The following PLCB1 variants were observed in gnomAD, a reference collection of about 807,000 sequenced individuals.
The protein encoded by PLCB1 is 1-phosphatidylinositol 4,5-bisphosphate phosphodiesterase beta-1.
Under a neutral mutation model 161.8 loss-of-function variants are expected in PLCB1, and 46 were observed. That is an observed-to-expected ratio of 0.28 (90% CI 0.22 to 0.36). The LOEUF is 0.36. Among genes scored for constraint, PLCB1 ranks in the 10% least tolerant of loss-of-function variants. PLCB1 has a pLI of 1.00. For missense variants in PLCB1, 1,016 were observed against 1,472.5 expected (o/e 0.69, Z 5.07); for synonymous variants, 517 against 503.7 (o/e 1.03, Z -0.35).
rs1357901245 is a variant in PLCB1, at chr20:8,242,150, A to G, written c.177+91779A>G. ...TTCTTTCTCCCTTGACCTTCCTGCT[A>G]CATGTTTCTGTTGTTGTTGTTTTTA... On this transcript the variant is annotated intron_variant, in intron 2 of 31. Coordinates refer to ENST00000338037, the MANE Select transcript of PLCB1 (RefSeq NM_015192.4). Among the ~76,000 whole-genome samples, 3 of 151,860 alleles carry G rather than the reference A, an allele frequency of 2.0e-5. No individual in the cohort carries two copies. The East Asian group carries it at 5.8e-4, about 30-fold the overall frequency.
At chr20:8,844,671 T>A (rs1018618248) in intron 31 of PLCB1, among the ~76,000 whole-genome samples, 1 of 152,170 alleles carries the variant, frequency 6.6e-6, no homozygotes, top group Non-Finnish European at 1.5e-5. Context: ...TTTAACAAAC[T>A]AATGTGGTGC....
intron 3 of PLCB1, among the ~76,000 whole-genome samples, chr20:8,555,800 T>C (rs373889218): frequency 6.6e-6 from 1 of 152,100 alleles, no homozygotes; most frequent in East Asian, 1.9e-4. Flanking sequence ...TGGAGGAGAA[T>C]AGACTATAAT....
chr20:8,756,988 G>A (rs1175665348), intron 23 of PLCB1, 58 bp from the exon 24 acceptor site: 4 of 1,483,548 alleles, frequency 2.7e-6, no homozygotes, highest in Admixed American at 2.1e-5. Flanking sequence ...GTTGGTTTAG[G>A]AAGGCAAGAA....
At chr20:8,180,461 G>A (rs779106801) in intron 2 of PLCB1, among the ~76,000 whole-genome samples, 2 of 152,122 alleles carry the variant, frequency 1.3e-5, no homozygotes, top group Admixed American at 1.3e-4. Context: ...AATGATGCTG[G>A]CCTCACAGAA....
In PLCB1 at chr20:8,207,153, T is replaced by A. The variant is rs527913417; in HGVS notation, c.177+56782T>A. Among the ~76,000 whole-genome samples the A allele has an allele frequency of 4.2e-5, 4 of 94,796 alleles. 1 individual carries two copies. In the South Asian group the frequency reaches 1.6e-3, roughly 37 times the overall value. The allele number at this position is 94,796 out of a possible 152,430, so 62.2% of individuals were successfully genotyped here. ...CTCTTCTGCTGTTATATGATATTTATAAAATTTTAAAAGTGCAGAAAACAA... is the reference window on the plus strand; with the variant it reads ...CTCTTCTGCTGTTATATGATATTTAAAAAATTTTAAAAGTGCAGAAAACAA... On this transcript the variant is annotated intron_variant, in intron 2 of 31. Coordinates refer to ENST00000338037, the MANE Select transcript of PLCB1 (RefSeq NM_015192.4).
intron 3 of PLCB1, among the ~76,000 whole-genome samples, chr20:8,441,913 A>C (rs2122614589): frequency 6.6e-6 from 1 of 152,360 alleles, no homozygotes; most frequent in South Asian, 2.1e-4. Flanking sequence ...GCATTGTATC[A>C]AGATAAATAA....
intron 1 of PLCB1, among the ~76,000 whole-genome samples, chr20:8,133,915 T>C (rs2051317531): frequency 6.6e-6 from 1 of 152,220 alleles, no homozygotes; most frequent in Non-Finnish European, 1.5e-5. Context: ...TAAGCCATTT[T>C]CCAGTGTCTG....
At chr20:8,479,933 T>C (rs1481108502) in intron 3 of PLCB1, among the ~76,000 whole-genome samples, 4 of 152,204 alleles carry the variant, frequency 2.6e-5, no homozygotes, top group African/African-American at 4.8e-5. Context: ...TTCTGGGATT[T>C]CTAGGTATGG....
chr20:8,158,852 C>T (rs1439428535), intron 2 of PLCB1, among the ~76,000 whole-genome samples: 4 of 152,234 alleles, frequency 2.6e-5, no homozygotes, highest in Non-Finnish European at 1.5e-5. Context: ...CCAGGTCACA[C>T]TGATGCAAGA....
At chr20:8,716,551 C>T (rs1568571180) in intron 13 of PLCB1, among the ~76,000 whole-genome samples, 1 of 152,222 alleles carries the variant, frequency 6.6e-6, no homozygotes, top group African/African-American at 2.4e-5. Flanking sequence ...TTCCCACACT[C>T]TTCTCTCTCG....
intron 2 of PLCB1, among the ~76,000 whole-genome samples, chr20:8,286,063 G>C (rs1222635856): frequency 6.6e-6 from 1 of 152,172 alleles, no homozygotes; most frequent in Non-Finnish European, 1.5e-5. Flanking sequence ...AGTGGCTCAT[G>C]CCTGTGATCC....
chr20:8,143,690 G>A (rs922174823), intron 1 of PLCB1, among the ~76,000 whole-genome samples: 1 of 152,290 alleles, frequency 6.6e-6, no homozygotes, highest in South Asian at 2.1e-4. Context: ...GCAGGTGTGG[G>A]TATTCCAAAG....
chr20:8,419,354 C>T (rs7272634), intron 3 of PLCB1, among the ~76,000 whole-genome samples: 3,881 of 152,146 alleles, frequency 0.026, 171 homozygotes, highest in African/African-American at 0.088. Context: ...GAGGACAGAC[C>T]AATAAACAGC....
intron 3 of PLCB1, among the ~76,000 whole-genome samples, chr20:8,379,029 G>T (rs957998087): frequency 1.3e-5 from 2 of 151,950 alleles, no homozygotes; most frequent in African/African-American, 4.8e-5. Flanking sequence ...ATGCAGGTTT[G>T]TTACATAGGT....
At chr20:8,320,042 G>A (rs981129388) in intron 2 of PLCB1, among the ~76,000 whole-genome samples, 1 of 152,030 alleles carries the variant, frequency 6.6e-6, no homozygotes, top group African/African-American at 2.4e-5. Flanking sequence ...TTAGCACGAG[G>A]TTTTGGGTGA....
intron 9 of PLCB1, among the ~76,000 whole-genome samples, chr20:8,667,966 G>T (rs1326330103): frequency 6.6e-6 from 1 of 152,112 alleles, no homozygotes; most frequent in Non-Finnish European, 1.5e-5. Flanking sequence ...AGGTTGCAGT[G>T]CGTGTGGGGT....
chr20:8,458,453 A>T (rs1178073281), intron 3 of PLCB1, among the ~76,000 whole-genome samples: 1 of 152,150 alleles, frequency 6.6e-6, no homozygotes, highest in Non-Finnish European at 1.5e-5. Flanking sequence ...CTTTCAACAA[A>T]TTATGTTTCC....
At chr20:8,136,127 C>G (rs2051344709) in intron 1 of PLCB1, among the ~76,000 whole-genome samples, 1 of 152,190 alleles carries the variant, frequency 6.6e-6, no homozygotes, top group Non-Finnish European at 1.5e-5. Flanking sequence ...TTTATTCCTT[C>G]TGTTTCTTCA....
chr20:8,464,816 G>C (rs1379846948), intron 3 of PLCB1, among the ~76,000 whole-genome samples: 1 of 152,074 alleles, frequency 6.6e-6, no homozygotes, highest in Non-Finnish European at 1.5e-5. Flanking sequence ...TCTACCTGCT[G>C]TTTCTCAAGT....
Sources: allele counts gnomAD v4.1 joint callset (sites outside exome capture counted in the v4.1 genomes callset), GRCh38; gene constraint gnomAD v4.1.1; transcripts MANE v1.5; gene names NCBI Gene and HGNC (gene_info 2026-07-23, HGNC 2026-07-21).